LYAR: variants seen among roughly 807,000 people sequenced by gnomAD.
The protein encoded by LYAR is Ly1 antibody reactive.
Under a neutral mutation model 45.2 loss-of-function variants are expected in LYAR, and 37 were observed. The observed-to-expected ratio is 0.82, with a 90% CI of 0.63 to 1.08. The LOEUF is 1.08. Among genes scored for constraint, LYAR ranks in the 50% least tolerant of loss-of-function variants. The probability of loss-of-function intolerance (pLI) is 0.00; values close to 1 mark genes in which losing one functional copy is unlikely to be tolerated. For missense variants in LYAR, 493 were observed against 451.0 expected, an observed-to-expected ratio of 1.09 and a Z score of -0.84; for synonymous variants, 176 against 155.1, an observed-to-expected ratio of 1.14 and a Z score of -1.00.
Position 4,273,667 on chromosome 4 carries a change from C to T in LYAR, c.835G>A (p.Glu279Lys). 6.3e-7 allele frequency: 1 copy of T among 1,598,054 alleles called. No homozygotes were observed. Among genetic ancestry groups the T allele is most frequent in the South Asian group, 1.1e-5 (1 of 90,110 alleles). Reference sequence around the variant, plus strand: ...ATCTTTTTCTTCTTAGAATCTGTTTCAACTAAGTATTTGGAAAGATTTTTT... The same window carrying T: ...ATCTTTTTCTTCTTAGAATCTGTTTTAACTAAGTATTTGGAAAGATTTTTT... ...GKRKRRHSEV[E>K]TDSKKKKMKL... The change falls in exon 8 of 10, where the codon GAA becomes AAA. Residue 279 changes from glutamate to lysine, a missense_variant and splice_region_variant. By Grantham distance (56) the Glu-to-Lys change is moderately conservative. Coordinates refer to ENST00000343470, the MANE Select transcript of LYAR (RefSeq NM_017816.3).
At position 4,279,484 on chromosome 4, in the gene LYAR, T is replaced by A; in HGVS notation, c.392A>T (p.Asp131Val). 6.2e-7 allele frequency: 1 copy of A among 1,613,376 alleles called. No individual in the cohort carries two copies. The highest frequency in any genetic ancestry group is 1.3e-5 in the African/African-American group (1 of 75,028). ...TTCAGAAAAGATATTCCACACCTGG[T>A]CCAGAATGGATTCATTATGAACTTT... ...SLKVHNESIL[D>V]QVWNIFSEAS... Residue 131 changes from aspartate (D) to valine (V), a missense_variant, in exon 6 of 10, where the codon GAC (aspartate) becomes GTC (valine). Transcript: ENST00000343470.
intron 1 of LYAR, among the ~76,000 whole-genome samples, chr4:4,288,375 A>G (rs1411815645): frequency 1.3e-5 from 2 of 151,632 alleles, no homozygotes; most frequent in African/African-American, 4.9e-5. Flanking sequence ...ATGGCTGCCT[A>G]CTTTACCAAG....
At chr4:4,270,481 T>C (rs1416460841) in intron 8 of LYAR, among the ~76,000 whole-genome samples, 1 of 146,704 alleles carries the variant, frequency 6.8e-6, no homozygotes, top group Non-Finnish European at 1.5e-5. Context: ...AACTGTTATG[T>C]CCCACAAAGG....
rs2272742 is a variant in LYAR at position 4,273,489 on chromosome 4, A to G, written c.919+94T>C. 53 of 834,420 alleles carry G rather than the reference A, an allele frequency of 6.4e-5. No individual in the cohort carries two copies. In the East Asian group the frequency reaches 1.0e-3, roughly 16 times the overall value. 51.7% of individuals were successfully genotyped at this position (834,420 alleles called of 1,614,324 possible). On this transcript the variant is annotated intron_variant, in intron 8 of 9. Transcript: ENST00000343470. ...CTACAGCCTCACACTCCTGAGCTCA[A>G]GTGACCCTCCTGCCCCTGCCTCTGA...
At chr4:4,289,902 A>C (rs1719790437) in intron 1 of LYAR, 134 bp downstream of exon 1, 1 of 152,276 alleles carries the variant, frequency 6.6e-6, no homozygotes, top group Non-Finnish European at 1.5e-5. Flanking sequence ...TCCCCAGAGC[A>C]GGAGTGAGAT....
chr4:4,283,386 T>A (rs372300661), intron 3 of LYAR, among the ~76,000 whole-genome samples: 1 of 152,204 alleles, frequency 6.6e-6, no homozygotes, highest in Non-Finnish European at 1.5e-5. Context: ...CCTGACCTCA[T>A]GAGCCACCCA....
chr4:4,276,738 T>C (rs963160308), intron 6 of LYAR, among the ~76,000 whole-genome samples: 25 of 148,522 alleles, frequency 1.7e-4, no homozygotes, highest in African/African-American at 6.3e-4. Context: ...GCGCCTGTAA[T>C]CCTAGCTACT....
intron 8 of LYAR, among the ~76,000 whole-genome samples, 186 bp downstream of exon 8, chr4:4,273,397 G>A (rs1346939841): frequency 6.6e-6 from 1 of 152,122 alleles, no homozygotes; most frequent in Non-Finnish European, 1.5e-5. Flanking sequence ...ACCTACAAGG[G>A]ACCGTGTATT....
At chr4:4,284,914 TA>T (rs1479561538) in intron 2 of LYAR, among the ~76,000 whole-genome samples, 1 of 152,238 alleles carries the variant, frequency 6.6e-6, no homozygotes, top group Admixed American at 6.5e-5. Context: ...ACAAATGATC[TA>T]CCCTTGGTTT....
intron 6 of LYAR, among the ~76,000 whole-genome samples, chr4:4,275,219 A>G (rs1719129457): frequency 6.6e-6 from 1 of 152,124 alleles, no homozygotes; most frequent in Admixed American, 6.5e-5. Flanking sequence ...CTATTTCCTC[A>G]TCTGTAAAAT....
At position 4,277,157 on chromosome 4, in the gene LYAR, G is replaced by C. The variant is rs1290924091; in HGVS notation, c.429+2290C>G. Among the ~76,000 whole-genome samples, 3 of 151,970 alleles carry C rather than the reference G, an allele frequency of 2.0e-5. No homozygotes were observed. In the East Asian group the frequency reaches 5.8e-4, roughly 30 times the overall value. On this transcript the variant is annotated intron_variant, in intron 6 of 9. Coordinates refer to ENST00000343470, the MANE Select transcript of LYAR (RefSeq NM_017816.3). Reference sequence around the variant, plus strand: ...CGCCTCCCAGGTTCAAATGATTCTTGTGCCTCAACCTCCCGAGTAGCTGGG... The same window carrying C: ...CGCCTCCCAGGTTCAAATGATTCTTCTGCCTCAACCTCCCGAGTAGCTGGG...
chr4:4,267,856 C>A lies in LYAR; in HGVS notation c.*33G>T, dbSNP rs1312253312. On this transcript the variant is annotated 3_prime_UTR_variant, in exon 10 of 10. Coordinates refer to ENST00000343470, the MANE Select transcript of LYAR (RefSeq NM_017816.3). The stretch of plus-strand genomic sequence containing the variant: ...AACAGCAGTGAAAGGAAGAAGTCAG[C>A]AGAATGGATTCAATTTTTAAATACA... 3.9e-6 allele frequency: 6 copies of A among 1,548,396 alleles called. No individual in the cohort carries two copies. Among genetic ancestry groups the A allele is most frequent in the Non-Finnish European group, 5.2e-6 (6 of 1,146,266 alleles).
chr4:4,278,971 T>C (rs900903752), intron 6 of LYAR, among the ~76,000 whole-genome samples: 2 of 152,148 alleles, frequency 1.3e-5, no homozygotes, highest in Non-Finnish European at 2.9e-5. Context: ...AATAAGGAAG[T>C]CTCTGCAGTG....
In LYAR at chr4:4,274,758, A is replaced by C. The variant is rs758842585; in HGVS notation, c.441T>G (p.Asn147Lys). 2.5e-6 allele frequency: 4 copies of C among 1,595,602 alleles called. No individual in the cohort carries two copies. The highest frequency in any genetic ancestry group is 3.4e-6 in the Non-Finnish European group (4 of 1,175,246). The change falls in exon 7 of 10, where the codon AAT becomes AAG. Residue 147 changes from asparagine (N) to lysine (K), a missense_variant. Physicochemically the swap from Asn to Lys is moderately conservative, Grantham distance 94. Coordinates refer to ENST00000343470, the MANE Select transcript of LYAR (RefSeq NM_017816.3). ...GGAGTGGCCGTTGATCCTGTTCCTT[A>C]TTGACTGGTTCCTTATCATTAAGCA... ...FSEASNSEPV[N>K]KEQDQRPLHP...
intron 7 of LYAR, among the ~76,000 whole-genome samples, chr4:4,274,037 G>C (rs981985086): frequency 2.0e-5 from 3 of 152,170 alleles, no homozygotes; most frequent in African/African-American, 7.2e-5. Flanking sequence ...AGGAGTCCGA[G>C]ACCAGCCAGG....
intron 6 of LYAR, among the ~76,000 whole-genome samples, chr4:4,276,065 T>C (rs1240133086): frequency 1.3e-5 from 2 of 152,132 alleles, no homozygotes; most frequent in African/African-American, 4.8e-5. Context: ...TTCAGTCCCA[T>C]TCCTTCCTGA....
chr4:4,286,120 G>A (rs901444673), intron 2 of LYAR, among the ~76,000 whole-genome samples: 3 of 152,142 alleles, frequency 2.0e-5, no homozygotes, highest in African/African-American at 4.8e-5. Flanking sequence ...GCCTTCCTCC[G>A]GATTTTTACA....
intron 3 of LYAR, among the ~76,000 whole-genome samples, 162 bp from the exon 4 acceptor site, chr4:4,282,059 G>A (rs1179849773): frequency 3.9e-5 from 6 of 152,008 alleles, no homozygotes; most frequent in African/African-American, 1.5e-4. Flanking sequence ...ACAGCCTCCT[G>A]GTCAGAACCA....
intron 2 of LYAR, among the ~76,000 whole-genome samples, chr4:4,284,708 A>C (rs1247573324): frequency 1.6e-5 from 1 of 61,314 alleles, no homozygotes; most frequent in Non-Finnish European, 3.1e-5. Flanking sequence ...AAGTCACAGT[A>C]ATTTTCCATA....
Sources: allele counts gnomAD v4.1 joint callset (sites outside exome capture counted in the v4.1 genomes callset), GRCh38; gene constraint gnomAD v4.1.1; transcripts MANE v1.5; gene names NCBI Gene and HGNC (gene_info 2026-07-23, HGNC 2026-07-21).